The following RBSN variants were observed in gnomAD, a reference collection of about 807,000 sequenced individuals.
RBSN encodes rabenosyn-5.
In RBSN, 34 loss-of-function variants were observed where a neutral mutation model predicts 60.5. The ratio of observed to expected loss-of-function variants is 0.56; its 90% CI spans 0.43 to 0.75. RBSN has a LOEUF of 0.75. Among genes scored for constraint, RBSN ranks in the 30% least tolerant of loss-of-function variants. The probability of loss-of-function intolerance (pLI) is 0.00; values close to 1 mark genes in which losing one functional copy is unlikely to be tolerated. For synonymous variants in RBSN, 322 were observed against 366.9 expected (o/e 0.88, Z 1.40); for missense variants, 845 against 986.8 (o/e 0.86, Z 1.92).
At chr3:15,093,604 C>G (rs1423722934) in intron 4 of RBSN, among the ~76,000 whole-genome samples, 1 of 152,162 alleles carries the variant, frequency 6.6e-6, no homozygotes, top group East Asian at 1.9e-4. Context: ...CTATGTTGCC[C>G]AGTCTGGTCT....
Position 15,073,990 on chromosome 3 carries a change from C to T in RBSN, c.2147G>A (p.Cys716Tyr), listed in dbSNP as rs187236394. 6.2e-7 allele frequency: 1 copy of T among 1,614,044 alleles called. No homozygotes were observed. The highest frequency in any genetic ancestry group is 8.5e-7 in the Non-Finnish European group (1 of 1,179,984). Residue 716 changes from cysteine to tyrosine, a missense_variant, in exon 14 of 14, where the codon TGT (cysteine) becomes TAT (tyrosine). By Grantham distance (194) the Cys-to-Tyr change is radical. Coordinates refer to ENST00000253699, the MANE Select transcript of RBSN (RefSeq NM_022340.4). ...VPGNPFEEPT[C>Y]INPFEMDSDS... ...ACTGTCCATCTCAAAGGGGTTGATA[C>T]AGGTGGGTTCCTCAAAGGGGTTACC...
intron 4 of RBSN, 56 bp from the exon 5 acceptor site, chr3:15,090,595 TC>T (rs1559351768): frequency 6.4e-7 from 1 of 1,556,444 alleles, no homozygotes; most frequent in African/African-American, 1.4e-5. Context: ...CAGTAAACAG[TC>T]AAAAGAAATC....
chr3:15,090,522 T>C lies in RBSN; in HGVS notation c.166A>G (p.Lys56Glu). ...TTCAACAACCTGTCCTTTGCTTTTT[T>C]AGCCTTCTGGACAAGACCTTGAAAA... ...GQIKSLVQKA[K>E]KAKDRLLKRE... Residue 56 changes from lysine to glutamate, a missense_variant, in exon 5 of 14, where the codon AAA becomes GAA. Coordinates refer to ENST00000253699, the MANE Select transcript of RBSN (RefSeq NM_022340.4). 1 of 1,614,216 alleles carries C rather than the reference T, an allele frequency of 6.2e-7. No homozygotes were observed. The highest frequency in any genetic ancestry group is 8.5e-7 in the Non-Finnish European group (1 of 1,180,036).
At chr3:15,087,657 C>T (rs1467604258) in intron 5 of RBSN, among the ~76,000 whole-genome samples, 5 of 152,182 alleles carry the variant, frequency 3.3e-5, no homozygotes, top group African/African-American at 7.2e-5. Flanking sequence ...CTCGCTCTGT[C>T]GCCCAGACTG....
chr3:15,077,956 C>G lies in RBSN; in HGVS notation c.998+119G>C, dbSNP rs907729894. 3 of 858,882 alleles carry G rather than the reference C, an allele frequency of 3.5e-6. No homozygotes were observed. Among genetic ancestry groups the G allele is most frequent in the Admixed American group, 2.0e-5 (1 of 49,690 alleles). 53.2% of individuals were successfully genotyped at this position (858,882 alleles called of 1,614,324 possible). ...GAGCTGGCCCCTTCCTTGCCCTCCT[C>G]CTCACCCACTGCCCCATCACCAGAA... On this transcript the variant is annotated intron_variant, in intron 11 of 13. Coordinates refer to ENST00000253699, the MANE Select transcript of RBSN (RefSeq NM_022340.4). This position sits in a 1 kb window ranked among gnomAD's most constrained non-coding sequence, Gnocchi z 4.4.
At position 15,096,025 on chromosome 3, in the gene RBSN, A is replaced by C. The variant is rs1436857465; in HGVS notation, c.96T>G (p.His32Gln). The C allele has an allele frequency of 1.2e-6, 2 of 1,614,022 alleles. No individual in the cohort carries two copies. Among genetic ancestry groups the C allele is most frequent in the Non-Finnish European group, 1.7e-6 (2 of 1,180,014 alleles). Residue 32 changes from histidine (H) to glutamine (Q), a missense_variant, in exon 4 of 14, where the codon CAT becomes CAG. Transcript: ENST00000253699. ...DLQSFYQLHS[H>Q]YEEEHSGEDR... ...CTTCCCCTGAGTGTTCTTCCTCGTA[A>C]TGTGAGTGAAGCTGATAGAAAGACT...
chr3:15,082,255 T>A lies in RBSN; in HGVS notation c.840+112A>T. The stretch of plus-strand genomic sequence containing the variant: ...ATGGGCCTTTAACAGGAACTACAAA[T>A]AATTCAAACGAACAACTTCCCAAAG... On this transcript the variant is annotated intron_variant, in intron 9 of 13. Transcript: ENST00000253699. The surrounding 1 kb of genome is among the most constrained non-coding windows in gnomAD (Gnocchi z 4.2). The A allele has an allele frequency of 7.0e-7, 1 of 1,420,622 alleles. No individual in the cohort carries two copies. Among genetic ancestry groups the A allele is most frequent in the Non-Finnish European group, 9.6e-7 (1 of 1,037,362 alleles). 88.0% of individuals were successfully genotyped at this position (1,420,622 alleles called of 1,614,324 possible).
intron 9 of RBSN, chr3:15,081,075 G>A (rs373808663): frequency 1.3e-5 from 5 of 373,442 alleles, no homozygotes; most frequent in Admixed American, 4.1e-5. Context: ...GTACAATGGC[G>A]CGATCTCCAC....
rs551879008 is a variant in RBSN at position 15,074,763 on chromosome 3, C to T, written c.1374G>A (p.Pro458=). 1.7e-5 allele frequency: 27 copies of T among 1,614,234 alleles called. No homozygotes were observed. The highest frequency in any genetic ancestry group is 3.3e-5 in the South Asian group (3 of 91,088). The part of the protein sequence containing the change: ...GGQGQSEDSD[P]LLQQIHNITS... ...TGATGTTGTGGATCTGCTGGAGGAG[C>T]GGGTCTGAGTCCTCACTCTGCCCCT... The change falls in exon 14 of 14, where the codon CCG becomes CCA. Residue 458 remains proline, a synonymous_variant. Transcript: ENST00000253699. This position sits in a 1 kb window ranked among gnomAD's most constrained non-coding sequence, Gnocchi z 6.4.
rs140960236 is a variant in RBSN, at chr3:15,077,916, A to C, written c.998+159T>G. 2.0e-3 allele frequency among the ~76,000 whole-genome samples: 308 copies of C among 152,364 alleles called. 1 individual carries two copies. Among genetic ancestry groups the C allele is most frequent in the African/African-American group, 7.0e-3 (292 of 41,582 alleles). On this transcript the variant is annotated intron_variant, in intron 11 of 13. Coordinates refer to ENST00000253699, the MANE Select transcript of RBSN (RefSeq NM_022340.4). The surrounding 1 kb of genome is among the most constrained non-coding windows in gnomAD (Gnocchi z 4.4). ...CCTTAACGAAACAAAAGTCACTGAG[A>C]TGCATTAAGTGCCAGAGCTGGCCCC... is the stretch of plus-strand genomic sequence containing the variant.
intron 9 of RBSN, chr3:15,081,473 A>T (rs2043203012): frequency 6.6e-6 from 1 of 152,356 alleles, no homozygotes. Context: ...GTATTCACAG[A>T]AATGAGATAC....
At chr3:15,088,151 G>A (rs966954928) in intron 5 of RBSN, among the ~76,000 whole-genome samples, 8 of 151,496 alleles carry the variant, frequency 5.3e-5, no homozygotes, top group Non-Finnish European at 1.0e-4. Flanking sequence ...TCACAAACAA[G>A]CTATCATAAA....
Position 15,075,688 on chromosome 3 carries a change from G to C in RBSN, c.1124C>G (p.Ser375Ter), listed in dbSNP as rs2043035855. Residue 375 changes from serine to a stop codon, truncating the protein, a stop_gained, in exon 13 of 14, where the codon TCA becomes TGA. Coordinates refer to ENST00000253699, the MANE Select transcript of RBSN (RefSeq NM_022340.4). LOFTEE classifies it high-confidence loss of function. ...FVQEKLLGLM[S>*]LPTKEQFEEL... ...CTCAAACTGTTCTTTGGTTGGCAGT[G>C]ACATCAAACCAAGCAACTTTTCCTG... 1 of 1,613,958 alleles carries C rather than the reference G, an allele frequency of 6.2e-7. No individual in the cohort carries two copies. Among genetic ancestry groups the C allele is most frequent in the African/African-American group, 1.3e-5 (1 of 74,882 alleles).
At chr3:15,095,195 T>C (rs1176352794) in intron 4 of RBSN, among the ~76,000 whole-genome samples, 1 of 151,880 alleles carries the variant, frequency 6.6e-6, no homozygotes, top group Non-Finnish European at 1.5e-5. Flanking sequence ...TTTTTTTTTT[T>C]AATTTTTTTT....
intron 9 of RBSN, among the ~76,000 whole-genome samples, chr3:15,081,941 G>A (rs1374026017): frequency 6.6e-6 from 1 of 152,206 alleles, no homozygotes; most frequent in Non-Finnish European, 1.5e-5. Context: ...GTAAACTGGT[G>A]AAGCCTGAAA....
chr3:15,084,920 G>A lies in RBSN; in HGVS notation c.437-24C>T, dbSNP rs199816248. 647 of 1,612,358 alleles carry A rather than the reference G, an allele frequency of 4.0e-4. 3 individuals are homozygous for A. The African/African-American group carries it at 7.0e-3, about 17-fold the overall frequency. On this transcript the variant is annotated intron_variant, in intron 7 of 13. Coordinates refer to ENST00000253699, the MANE Select transcript of RBSN (RefSeq NM_022340.4). This position sits in a 1 kb window ranked among gnomAD's most constrained non-coding sequence, Gnocchi z 4.2. ...TGCTTTGGGAAGAGCAAACCAACAA[G>A]AAAGCAGGCCATTTTAAAGAGAGCT...
rs980871259 is a variant in RBSN at position 15,073,357 on chromosome 3, T to A, written c.*425A>T. ...TCTCTGTCTTGGCTAAAGGAAGGGC[T>A]CTAAAAAGGCTGCCCTATAATACTG... On this transcript the variant is annotated 3_prime_UTR_variant, in exon 14 of 14. Transcript: ENST00000253699. 4 of 164,682 alleles carry A rather than the reference T, an allele frequency of 2.4e-5. No homozygotes were observed. Among genetic ancestry groups the A allele is most frequent in the African/African-American group, 9.6e-5 (4 of 41,584 alleles). The allele number at this position is 164,682 out of a possible 1,614,324, so 10.2% of individuals were successfully genotyped here. A position where few individuals can be genotyped will look rare whatever the true frequency, so the allele number is the denominator to read the frequency against.
At chr3:15,095,144 A>C (rs536559719) in intron 4 of RBSN, among the ~76,000 whole-genome samples, 1 of 151,866 alleles carries the variant, frequency 6.6e-6, no homozygotes, top group South Asian at 2.1e-4. Flanking sequence ...TCTCCTGAGT[A>C]GCTGGGACTA....
intron 13 of RBSN, 188 bp downstream of exon 13, chr3:15,075,418 C>A: frequency 1.4e-6 from 1 of 694,602 alleles, no homozygotes; most frequent in Non-Finnish European, 2.6e-6. Flanking sequence ...AAAATAGGCC[C>A]TGGGGAGAAA....
Sources: allele counts gnomAD v4.1 joint callset (sites outside exome capture counted in the v4.1 genomes callset), GRCh38; gene constraint gnomAD v4.1.1; non-coding constraint Gnocchi (gnomAD v3.1); transcripts MANE v1.5; gene names NCBI Gene and HGNC (gene_info 2026-07-23, HGNC 2026-07-21).